Variants in MYO1F observed in about 807,000 individuals in gnomAD.
MYO1F encodes the protein myosin IF, also known as unconventional myosin-If.
A neutral mutation model predicts 146.6 loss-of-function variants in MYO1F; 60 were observed. The observed-to-expected ratio is 0.41, with a 90% CI of 0.33 to 0.51. MYO1F has a LOEUF of 0.51. Ranked by LOEUF, MYO1F falls within the 20% of genes least tolerant of loss-of-function variation. MYO1F has a pLI of 0.25. For missense variants in MYO1F, 1,274 were observed against 1,534.3 expected, an observed-to-expected ratio of 0.83 and a Z score of 2.83; for synonymous variants, 602 against 602.1, an observed-to-expected ratio of 1.00 and a Z score of 0.00.
At chr19:8,523,189 G>A (rs1972131665) in intron 25 of MYO1F, among the ~76,000 whole-genome samples, 1 of 151,654 alleles carries the variant, frequency 6.6e-6, no homozygotes, top group Non-Finnish European at 1.5e-5. Flanking sequence ...CTGCCACCAC[G>A]CCTGGATAAT....
chr19:8,541,905 C>T lies in MYO1F; in HGVS notation c.1610+1G>A, dbSNP rs1972991062. ...AGGTCCCCATGCCTGGGACCACTCA[C>T]TGCTCACTGGTCTGCATCAGCTCTA... On this transcript the variant is annotated splice_donor_variant, in intron 15 of 27. Coordinates refer to ENST00000644032, the MANE Select transcript of MYO1F (RefSeq NM_012335.4). LOFTEE classifies it high-confidence loss of function. 6.2e-7 allele frequency: 1 copy of T among 1,612,968 alleles called. No individual in the cohort carries two copies. The highest frequency in any genetic ancestry group is 1.3e-5 in the African/African-American group (1 of 74,918).
At chr19:8,562,023 C>T (rs1008844722) in intron 1 of MYO1F, among the ~76,000 whole-genome samples, 1 of 151,104 alleles carries the variant, frequency 6.6e-6, no homozygotes, top group African/African-American at 2.4e-5. Context: ...CCCTTCCTTC[C>T]TTTTTCTTTT....
chr19:8,543,687 G>GTGGTGCTGGTGGTGGTGC (rs1568348385), intron 14 of MYO1F, among the ~76,000 whole-genome samples: 3 of 48,652 alleles, frequency 6.2e-5, no homozygotes, highest in East Asian at 8.2e-4. Context: ...GGTGGTGGTG[G>GTGGTGCTGGTGGTGGTGC]TGGTGGTGGT....
chr19:8,550,661 T>C lies in MYO1F; in HGVS notation c.805A>G (p.Ile269Val), dbSNP rs1157740839. The C allele has an allele frequency of 6.2e-7, 1 of 1,614,048 alleles. No individual in the cohort carries two copies. Among genetic ancestry groups the C allele is most frequent in the African/African-American group, 1.3e-5 (1 of 74,936 alleles). ...ACGAGCTGCAGGACCAGCTGCTGGA[T>C]GCTGGGCGGGATCCCAATAACCTGC... ...AMQVIGIPPS[I>V]QQLVLQLVAG... is the part of the protein sequence containing the mutation. The change falls in exon 9 of 28, where the codon ATC becomes GTC. Residue 269 changes from isoleucine (I) to valine (V), a missense_variant. By Grantham distance (29) the Ile-to-Val change is conservative. This residue lies in a region of MYO1F where 900 missense variants were observed against 1,155.1 expected (regional missense o/e 0.78). Transcript: ENST00000644032.
chr19:8,545,390 T>C, intron 13 of MYO1F: 1 of 472,466 alleles, frequency 2.1e-6, no homozygotes, highest in South Asian at 2.0e-5. Flanking sequence ...GCATGGAATC[T>C]GCAAATTTGA....
Position 8,566,400 on chromosome 19 carries a change from C to G in MYO1F, c.4-10604G>C, listed in dbSNP as rs561584687. Among the ~76,000 whole-genome samples, 11 of 151,952 alleles carry G rather than the reference C, an allele frequency of 7.2e-5. No individual in the cohort carries two copies. In the East Asian group the frequency reaches 2.1e-3, roughly 29 times the overall value. On this transcript the variant is annotated intron_variant, in intron 1 of 27. Coordinates refer to ENST00000644032, the MANE Select transcript of MYO1F (RefSeq NM_012335.4). ...GCCAGGATGGTCTCGAGCTCCTGAT[C>G]TCATGATCCACCCGCCTCGGCCTCC...
Position 8,536,191 on chromosome 19 carries a change from C to G in MYO1F, c.2043+61G>C, listed in dbSNP as rs1972701650. 42 of 1,575,230 alleles carry G rather than the reference C, an allele frequency of 2.7e-5. No individual in the cohort carries two copies. In the South Asian group the frequency reaches 4.1e-4, roughly 15 times the overall value. ...TGTCTCTCTCTCTCTCTCTCAGTCC[C>G]TCTCTATACCTTTCTCTCTCTTCCC... On this transcript the variant is annotated intron_variant, in intron 19 of 27. Transcript: ENST00000644032.
intron 14 of MYO1F, among the ~76,000 whole-genome samples, chr19:8,543,156 A>C (rs7251782): frequency 1.3e-5 from 2 of 150,122 alleles, no homozygotes; most frequent in African/African-American, 4.9e-5. Context: ...CACCCGCCTC[A>C]GCCTCCCAAA....
intron 1 of MYO1F, among the ~76,000 whole-genome samples, chr19:8,569,321 G>T (rs578201805): frequency 6.6e-6 from 1 of 152,180 alleles, no homozygotes; most frequent in East Asian, 1.9e-4. Flanking sequence ...CTTGTGAAAG[G>T]CAGTCAGGGG....
At chr19:8,543,543 G>C (rs1009997489) in intron 14 of MYO1F, among the ~76,000 whole-genome samples, 9 of 152,090 alleles carry the variant, frequency 5.9e-5, no homozygotes, top group Admixed American at 2.0e-4. Flanking sequence ...TAATCGGGGG[G>C]AATTCTGTTC....
At chr19:8,570,617 T>C (rs2042091159) in intron 1 of MYO1F, among the ~76,000 whole-genome samples, 1 of 151,728 alleles carries the variant, frequency 6.6e-6, no homozygotes, top group African/African-American at 2.4e-5. Flanking sequence ...TCTGCCCGCC[T>C]TGACCTCCCA....
intron 2 of MYO1F, among the ~76,000 whole-genome samples, chr19:8,555,184 AACAAAAC>A (rs148433089): frequency 0.013 from 1,919 of 150,970 alleles, 50 homozygotes; most frequent in African/African-American, 0.044. Flanking sequence ...CAGTCTCAAA[AACAAAAC>A]ACAAAACACA....
At chr19:8,552,654 T>A (rs1435040059) in intron 6 of MYO1F, among the ~76,000 whole-genome samples, 1 of 152,092 alleles carries the variant, frequency 6.6e-6, no homozygotes, top group Non-Finnish European at 1.5e-5. Context: ...CACCATTTTA[T>A]GGATGAGCAA....
At chr19:8,543,726 C>CTGGTGCTGG (rs1973114191) in intron 14 of MYO1F, among the ~76,000 whole-genome samples, 1 of 12,442 alleles carries the variant, frequency 8.0e-5, no homozygotes. Flanking sequence ...GGTGGTGGTG[C>CTGGTGCTGG]TGGTGGTGCT....
chr19:8,557,703 C>T (rs1302824689), intron 1 of MYO1F, among the ~76,000 whole-genome samples: 1 of 152,170 alleles, frequency 6.6e-6, no homozygotes, highest in Non-Finnish European at 1.5e-5. Context: ...GCACAGAGTG[C>T]TTGGGGTTCT....
rs751856878 is a variant in MYO1F, at chr19:8,551,750, C to T, written c.761G>A (p.Gly254Asp). 1.2e-6 allele frequency: 2 copies of T among 1,614,152 alleles called. No individual in the cohort carries two copies. Among genetic ancestry groups the T allele is most frequent in the Non-Finnish European group, 1.7e-6 (2 of 1,180,032 alleles). Residue 254 changes from glycine (G) to aspartate (D), a missense_variant, in exon 8 of 28, where the codon GGT becomes GAT. Gly to Asp is a moderately conservative substitution (Grantham distance 94). Transcript: ENST00000644032. ...GAGGCCGGTGCTCACCAGAGTCTCACCAAAGTCGCTTCTGTCGTCCGTGCC... is the reference window on the plus strand; with the variant it reads ...GAGGCCGGTGCTCACCAGAGTCTCATCAAAGTCGCTTCTGTCGTCCGTGCC... ...VDGTDDRSDF[G>D]ETLSAMQVIG...
chr19:8,525,041 G>A (rs1330673058), intron 25 of MYO1F, among the ~76,000 whole-genome samples: 1 of 151,272 alleles, frequency 6.6e-6, no homozygotes, highest in Non-Finnish European at 1.5e-5. Flanking sequence ...CTACTAAAAC[G>A]ATACAAAAAT....
At chr19:8,543,675 C>CTGGTGGTGGTGGTGGTGCTGG (rs1973088849) in intron 14 of MYO1F, among the ~76,000 whole-genome samples, 3 of 36,194 alleles carry the variant, frequency 8.3e-5, no homozygotes, top group African/African-American at 3.8e-4. Context: ...GGTGGTGGTG[C>CTGGTGGTGGTGGTGGTGCTGG]TGGTGGTGGT....
In MYO1F at chr19:8,521,002, C is replaced by T. The variant is rs749791892; in HGVS notation, c.*526G>A. On this transcript the variant is annotated 3_prime_UTR_variant, in exon 28 of 28. Transcript: ENST00000644032. ...TCTGTGCAGTCTTGGGTCAGTGAAC[C>T]TCTCTGAACCTCCATTGTTCCACCT... The T allele has an allele frequency of 3.2e-4, 73 of 231,570 alleles. No homozygotes were observed. Among genetic ancestry groups the T allele is most frequent in the Non-Finnish European group, 5.9e-4 (67 of 114,014 alleles). The allele number at this position is 231,570 out of a possible 1,614,324, so 14.3% of individuals were successfully genotyped here.
Sources: gnomAD v4.1 joint callset for allele counts (sites outside exome capture counted in the v4.1 genomes callset) on GRCh38, gnomAD v4.1.1 for gene constraint, gnomAD v4.1.1 regional missense constraint, MANE v1.5 for transcripts, NCBI Gene and HGNC (gene_info 2026-07-23, HGNC 2026-07-21) for gene names.